The following CAB39 variants were observed in gnomAD, a reference collection of about 807,000 sequenced individuals.
CAB39 encodes calcium binding protein 39.
CAB39 carries 8 observed loss-of-function variants against 40.0 expected under a neutral mutation model. The ratio of observed to expected loss-of-function variants is 0.20; its 90% CI spans 0.12 to 0.36. The LOEUF (loss-of-function observed/expected upper bound fraction) is 0.36. Among genes scored for constraint, CAB39 ranks in the 10% least tolerant of loss-of-function variants. The pLI is 1.00. For missense variants in CAB39, 270 were observed against 401.1 expected (o/e 0.67, Z 2.79); for synonymous variants, 156 against 141.6 (o/e 1.10, Z -0.72).
intron 2 of CAB39, among the ~76,000 whole-genome samples, chr2:230,764,678 A>G (rs1439076921): frequency 6.6e-6 from 1 of 152,256 alleles, no homozygotes; most frequent in South Asian, 2.1e-4. Flanking sequence ...GGCAACAAAT[A>G]TAGTTGGTCG....
intron 2 of CAB39, among the ~76,000 whole-genome samples, chr2:230,761,888 T>TTGTTGTTGTTG (rs1553671528): frequency 3.3e-5 from 5 of 149,842 alleles, no homozygotes; most frequent in African/African-American, 1.2e-4. Context: ...TTGTTTTTTA[T>TTGTTGTTGTTG]TTGTTGTTGT....
intron 1 of CAB39, among the ~76,000 whole-genome samples, chr2:230,725,710 A>C (rs1694555680): frequency 6.6e-6 from 1 of 152,212 alleles, no homozygotes; most frequent in Non-Finnish European, 1.5e-5. Context: ...CATTTCTGAT[A>C]CAGAAACAGA....
At chr2:230,768,204 TAA>T (rs1326955093) in intron 2 of CAB39, among the ~76,000 whole-genome samples, 6 of 152,238 alleles carry the variant, frequency 3.9e-5, no homozygotes, top group Non-Finnish European at 5.9e-5. Flanking sequence ...CTAAGACTTA[TAA>T]GAGTTTATAT....
chr2:230,797,640 G>T (rs1696011116), intron 4 of CAB39, among the ~76,000 whole-genome samples: 1 of 152,084 alleles, frequency 6.6e-6, no homozygotes, highest in African/African-American at 2.4e-5. Context: ...ACTAATTCAG[G>T]AGTAGACATG....
At chr2:230,771,742 T>G (rs1406007348) in intron 2 of CAB39, among the ~76,000 whole-genome samples, 1 of 152,192 alleles carries the variant, frequency 6.6e-6, no homozygotes, top group Non-Finnish European at 1.5e-5. Context: ...GTGGTGTCAG[T>G]GCAAAGATAG....
At chr2:230,734,935 TGGTG>T (rs1316900718) in intron 1 of CAB39, among the ~76,000 whole-genome samples, 3 of 152,064 alleles carry the variant, frequency 2.0e-5, no homozygotes, top group African/African-American at 7.2e-5. Flanking sequence ...TTGGTGGCGG[TGGTG>T]GGGTTGTGTT....
intron 2 of CAB39, among the ~76,000 whole-genome samples, chr2:230,782,391 T>C (rs1249476781): frequency 6.6e-6 from 1 of 152,120 alleles, no homozygotes; most frequent in Non-Finnish European, 1.5e-5. Flanking sequence ...TGGGGAGGGC[T>C]GAAAAAGGAG....
chr2:230,727,362 C>CTGTGTG, intron 1 of CAB39, among the ~76,000 whole-genome samples: 1 of 101,822 alleles, frequency 9.8e-6, no homozygotes, highest in Admixed American at 9.8e-5. Flanking sequence ...AGATTGTTAA[C>CTGTGTG]CGTGTGTGTG....
chr2:230,749,009 G>GTT (rs141878027), intron 1 of CAB39, among the ~76,000 whole-genome samples: 2,022 of 140,512 alleles, frequency 0.014, 50 homozygotes, highest in African/African-American at 0.048. Context: ...CCGCCCCCGT[G>GTT]TTTTTTTTTT....
intron 1 of CAB39, among the ~76,000 whole-genome samples, chr2:230,734,856 G>A (rs577230145): frequency 6.6e-6 from 1 of 152,198 alleles, no homozygotes; most frequent in South Asian, 2.1e-4. Context: ...GGGAGGAACT[G>A]GAATATGTGC....
chr2:230,775,512 G>T (rs1192408160), intron 2 of CAB39, among the ~76,000 whole-genome samples: 2 of 152,086 alleles, frequency 1.3e-5, no homozygotes, highest in African/African-American at 2.4e-5. Context: ...GGGATTACAG[G>T]CATGAACCAC....
intron 2 of CAB39, among the ~76,000 whole-genome samples, chr2:230,781,075 G>T (rs1695678345): frequency 7.0e-6 from 1 of 143,530 alleles, no homozygotes; most frequent in African/African-American, 2.8e-5. Flanking sequence ...AGCTGGACCT[G>T]ATCTCAAAAA....
intron 2 of CAB39, among the ~76,000 whole-genome samples, chr2:230,784,794 G>A (rs1695759187): frequency 6.6e-6 from 1 of 152,208 alleles, no homozygotes; most frequent in Admixed American, 6.5e-5. Context: ...ACTTTCTGCA[G>A]AAAGGGTGCT....
intron 2 of CAB39, among the ~76,000 whole-genome samples, chr2:230,767,185 T>C (rs912597147): frequency 6.6e-6 from 1 of 152,234 alleles, no homozygotes; most frequent in African/African-American, 2.4e-5. Flanking sequence ...TGAAGCAAAA[T>C]GCATACTTCA....
intron 1 of CAB39, among the ~76,000 whole-genome samples, chr2:230,745,205 A>G (rs1483449727): frequency 6.6e-6 from 1 of 152,242 alleles, no homozygotes; most frequent in African/African-American, 2.4e-5. Context: ...AATGGAATTA[A>G]TGGTCTACTT....
intron 5 of CAB39, among the ~76,000 whole-genome samples, chr2:230,807,390 T>C (rs1349689946): frequency 2.0e-5 from 3 of 152,088 alleles, no homozygotes. Flanking sequence ...ACAGTTGCTC[T>C]TTTCCTACTA....
chr2:230,720,854 A>C (rs1375426155), intron 1 of CAB39, among the ~76,000 whole-genome samples: 1 of 152,170 alleles, frequency 6.6e-6, no homozygotes, highest in African/African-American at 2.4e-5. Flanking sequence ...TATAGCAGGG[A>C]GACAGAAACT....
At chr2:230,716,728 G>C (rs917999154) in intron 1 of CAB39, among the ~76,000 whole-genome samples, 1 of 152,214 alleles carries the variant, frequency 6.6e-6, no homozygotes, top group Admixed American at 6.5e-5. Context: ...CAGGCCGAGC[G>C]GGGTAGCTCA....
chr2:230,817,214 TACTC>T (rs1696417564), intron 7 of CAB39, among the ~76,000 whole-genome samples: 1 of 152,124 alleles, frequency 6.6e-6, no homozygotes, highest in African/African-American at 2.4e-5. Context: ...AGCAGAAAAA[TACTC>T]ACTTGTGTAA....
Sources: gnomAD v4.1 joint callset for allele counts (sites outside exome capture counted in the v4.1 genomes callset) on GRCh38, gnomAD v4.1.1 for gene constraint, MANE v1.5 for transcripts, NCBI Gene and HGNC (gene_info 2026-07-23, HGNC 2026-07-21) for gene names.